The following BRD2 variants were observed in gnomAD, a reference collection of about 807,000 sequenced individuals.
The protein encoded by BRD2 is bromodomain containing 2, also known as bromodomain-containing protein 2.
In BRD2, 15 loss-of-function variants were observed where a neutral mutation model predicts 79.1. That is an observed-to-expected ratio of 0.19 (90% confidence interval 0.13 to 0.29). The LOEUF (loss-of-function observed/expected upper bound fraction) is 0.29, where lower values mean the gene tolerates loss of function less well. Among genes scored for constraint, BRD2 ranks in the 10% least tolerant of loss-of-function variants. BRD2 has a pLI of 1.00. For missense variants in BRD2, 1,053 were observed against 991.3 expected (o/e 1.06, Z -0.84); for synonymous variants, 488 against 358.6 (o/e 1.36, Z -4.08).
intron 10 of BRD2, chr6:32,979,082 T>C (rs866311898): frequency 6.6e-6 from 1 of 150,484 alleles, no homozygotes; most frequent in Non-Finnish European, 1.5e-5. Flanking sequence ...GTTTTGTTTT[T>C]TTTAAAGACT....
Position 32,969,633 on chromosome 6 carries a change from G to T in BRD2, c.-1305+577G>T, listed in dbSNP as rs567882200. Among the ~76,000 whole-genome samples, 24 of 152,330 alleles carry T rather than the reference G, an allele frequency of 1.6e-4. No homozygotes were observed. In the South Asian group the frequency reaches 4.6e-3, roughly 29 times the overall value. Reference sequence around the variant, plus strand: ...TACCGAATTTGTGTGCATTCACGTGGACACGGCCTGTGGGGCCTTTTGCCC... The same window carrying T: ...TACCGAATTTGTGTGCATTCACGTGTACACGGCCTGTGGGGCCTTTTGCCC... On this transcript the variant is annotated intron_variant, in intron 1 of 12. Coordinates refer to ENST00000374825, the MANE Select transcript of BRD2 (RefSeq NM_005104.4).
Position 32,980,004 on chromosome 6 carries a change from A to G in BRD2, c.2018A>G (p.Glu673Gly). The G allele has an allele frequency of 6.2e-7, 1 of 1,613,140 alleles. No homozygotes were observed. Among genetic ancestry groups the G allele is most frequent in the Non-Finnish European group, 8.5e-7 (1 of 1,180,028 alleles). Reference protein sequence around the residue: ...GRVVHIIQAREPSLRDSNPEE... With the variant: ...GRVVHIIQARGPSLRDSNPEE... ...GTTGTGCATATAATCCAAGCCAGGG[A>G]GCCCTCTTTACGTGATTCAAACCCA... is the stretch of plus-strand genomic sequence containing the variant. The change falls in exon 11 of 13, where the codon GAG becomes GGG. Residue 673 changes from glutamate to glycine, a missense_variant. Transcript: ENST00000374825.
chr6:32,980,209 A>T (rs1320355814), intron 11 of BRD2, 77 bp downstream of exon 11: 3 of 1,574,610 alleles, frequency 1.9e-6, no homozygotes, highest in Non-Finnish European at 2.6e-6. Flanking sequence ...TGCATTCAGG[A>T]TTGTCAGCTC....
rs913961133 is a variant in BRD2 at position 32,974,493 on chromosome 6, G to A, written c.61G>A (p.Gly21Arg). Residue 21 changes from glycine (G) to arginine (R), a missense_variant, in exon 3 of 13, where the codon GGG becomes AGG. By Grantham distance (125) the Gly-to-Arg change is moderately radical. Around this residue, in one of 5 missense-constraint regions of BRD2, gnomAD observed 413 missense variants for 335.1 expected, o/e 1.23. Transcript: ENST00000374825. The part of the protein sequence containing the change: ...LPGEGNAGLL[G>R]LGPEAAAPGK... ...TGGGGAAGGGAATGCAGGGTTGCTG[G>A]GGCTGGGCCCAGAAGCAGCAGCACC... is the stretch of plus-strand genomic sequence containing the variant. 5.6e-6 allele frequency: 9 copies of A among 1,612,730 alleles called. No homozygotes were observed. Among genetic ancestry groups the A allele is most frequent in the Non-Finnish European group, 7.6e-6 (9 of 1,178,878 alleles).
Position 32,971,684 on chromosome 6 carries a change from C to G in BRD2, c.-1215C>G. ...CCTGGCGGGTTCAGGCAGGCTACGC[C>G]CACGCGACCCCTCCCGTTTCCCTGC... On this transcript the variant is annotated 5_prime_UTR_variant, in exon 2 of 13. Coordinates refer to ENST00000374825, the MANE Select transcript of BRD2 (RefSeq NM_005104.4). The G allele has an allele frequency of 1.9e-6, 1 of 516,368 alleles. No individual in the cohort carries two copies. Among genetic ancestry groups the G allele is most frequent in the Non-Finnish European group, 3.4e-6 (1 of 293,536 alleles). 32.0% of individuals were successfully genotyped at this position (516,368 alleles called of 1,614,324 possible). A position where few individuals can be genotyped will look rare whatever the true frequency, so the allele number is the denominator to read the frequency against.
intron 6 of BRD2, 23 bp from the exon 7 acceptor site, chr6:32,976,539 C>T: frequency 1.9e-6 from 3 of 1,591,624 alleles, no homozygotes; most frequent in African/African-American, 1.3e-5. Flanking sequence ...GTGACAGGTT[C>T]CCTATCTTGT....
chr6:32,976,364 A>G lies in BRD2; in HGVS notation c.725A>G (p.His242Arg), dbSNP rs1443857585. 1 of 1,612,482 alleles carries G rather than the reference A, an allele frequency of 6.2e-7. No individual in the cohort carries two copies. Among genetic ancestry groups the G allele is most frequent in the South Asian group, 1.1e-5 (1 of 91,050 alleles). ...EIPTTVLNIP[H>R]PSVISSPLLK... ...CCTACCACTGTCCTCAACATTCCCC[A>G]CCCATCAGTCATTTCCTCTCCACTT... The change falls in exon 6 of 13, where the codon CAC becomes CGC. Residue 242 changes from histidine to arginine, a missense_variant. His to Arg is a conservative substitution (Grantham distance 29, BLOSUM62 0). Coordinates refer to ENST00000374825, the MANE Select transcript of BRD2 (RefSeq NM_005104.4).
At chr6:32,979,615 C>G (rs773478155) in intron 10 of BRD2, 7 of 572,826 alleles carry the variant, frequency 1.2e-5, no homozygotes, top group Non-Finnish European at 2.1e-5. Flanking sequence ...CGTACATTGT[C>G]TTTTTAAAGA....
At chr6:32,979,699 C>A in intron 10 of BRD2, 129 bp from the exon 11 acceptor site, 2 of 1,111,686 alleles carry the variant, frequency 1.8e-6, no homozygotes, top group East Asian at 2.6e-5. Flanking sequence ...CCACCTCTTA[C>A]TTGGCCATTG....
chr6:32,976,494 A>AGGG, intron 6 of BRD2, 30 bp downstream of exon 6: 1 of 1,602,806 alleles, frequency 6.2e-7, no homozygotes, highest in Non-Finnish European at 8.5e-7. Context: ...TCTGGGCAGC[A>AGGG]GGGAGGCAAG....
At chr6:32,969,203 T>TGGA in intron 1 of BRD2, 147 bp downstream of exon 1, 1 of 321,934 alleles carries the variant, frequency 3.1e-6, no homozygotes, top group Non-Finnish European at 5.8e-6. Context: ...AATGGGAGCG[T>TGGA]GGAGGGGGGG....
intron 1 of BRD2, among the ~76,000 whole-genome samples, chr6:32,969,959 T>G (rs1355477545): frequency 1.3e-5 from 2 of 152,142 alleles, no homozygotes; most frequent in Non-Finnish European, 2.9e-5. Flanking sequence ...AGAGTTACTT[T>G]CCCAAATTAC....
At chr6:32,975,053 G>C in intron 3 of BRD2, 1 of 1,521,910 alleles carries the variant, frequency 6.6e-7, no homozygotes. Flanking sequence ...GGACCACGGT[G>C]GCCAAAATTC....
At chr6:32,973,684 A>T (rs1778336217) in intron 2 of BRD2, among the ~76,000 whole-genome samples, 1 of 151,970 alleles carries the variant, frequency 6.6e-6, no homozygotes, top group Admixed American at 6.6e-5. Context: ...CTACAGGGGG[A>T]ACTGGTAGTG....
At chr6:32,969,999 T>C (rs1420369460) in intron 1 of BRD2, among the ~76,000 whole-genome samples, 1 of 152,074 alleles carries the variant, frequency 6.6e-6, no homozygotes, top group African/African-American at 2.4e-5. Flanking sequence ...TGGTGACTCA[T>C]GTGGGGGAAG....
At position 32,977,549 on chromosome 6, in the gene BRD2, G is replaced by C. The variant is rs2127519301; in HGVS notation, c.1308G>C (p.Val436=). 1 of 1,613,978 alleles carries C rather than the reference G, an allele frequency of 6.2e-7. No individual in the cohort carries two copies. Among genetic ancestry groups the C allele is most frequent in the East Asian group, 2.2e-5 (1 of 44,894 alleles). ...YKYNPPDHDV[V]AMARKLQDVF... ...ACAATCCCCCAGATCACGATGTTGT[G>C]GCAATGGCACGAAAGCTACAGGTGA... The change falls in exon 8 of 13, where the codon GTG becomes GTC. Residue 436 remains valine (V), a synonymous_variant. Coordinates refer to ENST00000374825, the MANE Select transcript of BRD2 (RefSeq NM_005104.4).
intron 10 of BRD2, chr6:32,978,989 C>G (rs561777092): frequency 6.6e-6 from 1 of 152,572 alleles, no homozygotes; most frequent in Admixed American, 6.6e-5. Context: ...ATCAATGAGT[C>G]TAGACTTGTT....
chr6:32,977,376 C>T (rs1239202051), intron 7 of BRD2, 66 bp from the exon 8 acceptor site: 4 of 1,611,902 alleles, frequency 2.5e-6, no homozygotes, highest in African/African-American at 1.3e-5. Flanking sequence ...CTTGTGGTGT[C>T]TGGGGTTGGC....
rs751405285 is a variant in BRD2, at chr6:32,975,108, C to T, written c.334-276C>T. ...CATGCAGCCCATGGATAGCCAGCCC[C>T]AGAGGTAATGTCACAGGATGGGAAG... On this transcript the variant is annotated intron_variant, in intron 3 of 12. Transcript: ENST00000374825. 7.3e-6 allele frequency: 11 copies of T among 1,509,784 alleles called. No individual in the cohort carries two copies. The African/African-American group carries it at 9.6e-5, about 13-fold the overall frequency. 93.5% of individuals were successfully genotyped at this position (1,509,784 alleles called of 1,614,324 possible). A position where few individuals can be genotyped will look rare whatever the true frequency, so the allele number is the denominator to read the frequency against.
Sources: allele counts gnomAD v4.1 joint callset (sites outside exome capture counted in the v4.1 genomes callset), GRCh38; gene constraint gnomAD v4.1.1; regional missense constraint gnomAD v4.1.1; transcripts MANE v1.5; gene names NCBI Gene and HGNC (gene_info 2026-07-23, HGNC 2026-07-21).